Variants in BTG4 observed in about 807,000 individuals in gnomAD.
BTG4 encodes the protein BTG anti-proliferation factor 4.
BTG4 carries 10 observed loss-of-function variants against 19.3 expected under a neutral mutation model. The observed-to-expected ratio is 0.52, with a 90% CI of 0.32 to 0.88. BTG4 has a LOEUF of 0.88. BTG4 is among the 40% of genes least tolerant of loss of function. BTG4 has a pLI of 0.04. For synonymous variants in BTG4, 91 were observed against 95.7 expected (o/e 0.95, Z 0.29); for missense variants, 238 against 281.9 (o/e 0.84, Z 1.11).
chr11:111,394,470 T>C, the BTG4 span, among the ~76,000 whole-genome samples: 1 of 152,224 alleles, frequency 6.6e-6, no homozygotes, highest in Non-Finnish European at 1.5e-5. Flanking sequence ...CATTCTCTCT[T>C]GTCTGCCGTC....
At chr11:111,407,019 C>G in the BTG4 span, among the ~76,000 whole-genome samples, 1 of 152,136 alleles carries the variant, frequency 6.6e-6, no homozygotes, top group African/African-American at 2.4e-5. Context: ...ATAACAATCA[C>G]ACTTACCTTG....
At chr11:111,472,064 A>C (rs1864100703) in intron 5 of BTG4, among the ~76,000 whole-genome samples, 1 of 152,214 alleles carries the variant, frequency 6.6e-6, no homozygotes. Context: ...AATCCTTACT[A>C]ATGGCTTCCT....
the BTG4 span, among the ~76,000 whole-genome samples, chr11:111,461,564 A>T: frequency 6.6e-6 from 1 of 152,186 alleles, no homozygotes; most frequent in East Asian, 1.9e-4. Flanking sequence ...CTACAAAAAT[A>T]TTAGCCGGGT....
At chr11:111,499,135 T>G (rs1865915519) in intron 1 of BTG4, among the ~76,000 whole-genome samples, 1 of 152,224 alleles carries the variant, frequency 6.6e-6, no homozygotes, top group Non-Finnish European at 1.5e-5. Context: ...AAGCATCACT[T>G]TTTAAAGATA....
At chr11:111,482,809 C>T (rs561500259) in intron 5 of BTG4, among the ~76,000 whole-genome samples, 2 of 146,858 alleles carry the variant, frequency 1.4e-5, no homozygotes, top group African/African-American at 5.0e-5. Context: ...AAATAGATGG[C>T]AAACTAAATG....
At chr11:111,391,331 C>G in the BTG4 span, among the ~76,000 whole-genome samples, 1 of 152,172 alleles carries the variant, frequency 6.6e-6, no homozygotes, top group African/African-American at 2.4e-5. Context: ...TTTTCTGTCG[C>G]TCCAAATTTT....
At chr11:111,486,508 A>G (rs540558482) in intron 5 of BTG4, among the ~76,000 whole-genome samples, 36 of 152,364 alleles carry the variant, frequency 2.4e-4, no homozygotes, top group Non-Finnish European at 4.7e-4. Context: ...AAAATTGAGC[A>G]GAAGGTAATA....
chr11:111,422,061 C>A, the BTG4 span, among the ~76,000 whole-genome samples: 1 of 152,240 alleles, frequency 6.6e-6, no homozygotes, highest in Non-Finnish European at 1.5e-5. Flanking sequence ...ACAGTCCCTT[C>A]TCTATGCACC....
At chr11:111,454,888 T>G in the BTG4 span, 1 of 426,302 alleles carries the variant, frequency 2.3e-6, no homozygotes, top group Non-Finnish European at 4.8e-6. Flanking sequence ...CAGGGGGCGC[T>G]GCAATCACAA....
the BTG4 span, among the ~76,000 whole-genome samples, chr11:111,421,335 G>A: frequency 6.6e-6 from 1 of 152,210 alleles, no homozygotes; most frequent in African/African-American, 2.4e-5. Flanking sequence ...CCATACAAAG[G>A]AGGAGACCTG....
At chr11:111,403,724 T>C in the BTG4 span, among the ~76,000 whole-genome samples, 1 of 152,126 alleles carries the variant, frequency 6.6e-6, no homozygotes, top group South Asian at 2.1e-4. Flanking sequence ...AACAAGTCAT[T>C]TGAATAGGTC....
At chr11:111,459,097 C>T in the BTG4 span, among the ~76,000 whole-genome samples, 1 of 152,016 alleles carries the variant, frequency 6.6e-6, no homozygotes, top group Non-Finnish European at 1.5e-5. Context: ...CAAAAAATAG[C>T]CAGACATAGT....
the BTG4 span, among the ~76,000 whole-genome samples, chr11:111,387,874 G>C: frequency 1.3e-5 from 2 of 152,096 alleles, no homozygotes; most frequent in Admixed American, 6.5e-5. Flanking sequence ...CCAAGGCACA[G>C]AGACCTTTTT....
At chr11:111,463,654 T>C (rs1863546810), downstream of BTG4, among the ~76,000 whole-genome samples, 1 of 152,238 alleles carries the variant, frequency 6.6e-6, no homozygotes, top group South Asian at 2.1e-4. Context: ...TTGATTGCCA[T>C]GTAAGAAATG....
chr11:111,401,583 A>G, the BTG4 span, among the ~76,000 whole-genome samples: 2 of 152,254 alleles, frequency 1.3e-5, no homozygotes, highest in Non-Finnish European at 2.9e-5. Context: ...ATATTTCAAA[A>G]TAAAAAGATT....
chr11:111,422,234 C>T, the BTG4 span, among the ~76,000 whole-genome samples: 3 of 152,170 alleles, frequency 2.0e-5, no homozygotes, highest in Admixed American at 1.3e-4. Context: ...TCTGAGCCAA[C>T]CGTGCACCAA....
chr11:111,478,067 A>AT (rs1864502135), intron 5 of BTG4, among the ~76,000 whole-genome samples: 1 of 152,156 alleles, frequency 6.6e-6, no homozygotes, highest in African/African-American at 2.4e-5. Context: ...AAGTCTAGAC[A>AT]TCCCCACACC....
the BTG4 span, among the ~76,000 whole-genome samples, chr11:111,436,927 C>T: frequency 6.6e-6 from 1 of 152,216 alleles, no homozygotes; most frequent in Non-Finnish European, 1.5e-5. Flanking sequence ...CCACCATCAC[C>T]CCGCCCCACC....
At chr11:111,483,641 A>G (rs1864875149) in intron 5 of BTG4, among the ~76,000 whole-genome samples, 1 of 152,190 alleles carries the variant, frequency 6.6e-6, no homozygotes, top group African/African-American at 2.4e-5. Context: ...TGAAGAAAGA[A>G]TCAGTGAGTT....
Sources: gnomAD v4.1 joint callset for allele counts (sites outside exome capture counted in the v4.1 genomes callset) on GRCh38, gnomAD v4.1.1 for gene constraint, MANE v1.5 for transcripts, NCBI Gene and HGNC (gene_info 2026-07-23, HGNC 2026-07-21) for gene names.